PPARA: variants seen among roughly 807,000 people sequenced by gnomAD.
PPARA encodes peroxisome proliferator activated receptor alpha.
Under a neutral mutation model 42.2 loss-of-function variants are expected in PPARA, and 22 were observed. The ratio of observed to expected loss-of-function variants is 0.52; its 90% CI spans 0.37 to 0.74. The LOEUF (loss-of-function observed/expected upper bound fraction) is 0.74, where lower values mean the gene tolerates loss of function less well. Ranked by LOEUF, PPARA falls within the 30% of genes least tolerant of loss-of-function variation. The pLI is 0.00. For missense variants in PPARA, 465 were observed against 608.2 expected (o/e 0.76, Z 2.48); for synonymous variants, 242 against 239.3 (o/e 1.01, Z -0.10).
chr22:46,240,381 T>G lies in PPARA; in HGVS notation c.*5001T>G, dbSNP rs1936340405. 1 of 396,658 alleles carries G rather than the reference T, an allele frequency of 2.5e-6. No individual in the cohort carries two copies. The highest frequency in any genetic ancestry group is 4.4e-6 in the Non-Finnish European group (1 of 225,288). The allele number at this position is 396,658 out of a possible 1,614,324, so 24.6% of individuals were successfully genotyped here. On this transcript the variant is annotated 3_prime_UTR_variant, in exon 9 of 9. Transcript: ENST00000407236. This position sits in a 1 kb window ranked among gnomAD's most constrained non-coding sequence, Gnocchi z 6.0. ...CACCTCCTGCAGCCTCCCTGTTGTT[T>G]CTAGACTCTTGCACCTGGTGAGTGC...
chr22:46,175,809 G>A (rs1039949787), intron 2 of PPARA, among the ~76,000 whole-genome samples: 1 of 151,938 alleles, frequency 6.6e-6, no homozygotes, highest in African/African-American at 2.4e-5. Flanking sequence ...CAGCTTGTTG[G>A]TGCATCAACA....
intron 4 of PPARA, among the ~76,000 whole-genome samples, chr22:46,202,031 A>G (rs1932862782): frequency 6.6e-6 from 1 of 152,086 alleles, no homozygotes; most frequent in South Asian, 2.1e-4. Flanking sequence ...TCTTTGGGTA[A>G]GATATACTCT....
Position 46,187,923 on chromosome 22 carries a change from C to G in PPARA, c.-42-10419C>G, listed in dbSNP as rs1307174615. Among the ~76,000 whole-genome samples the G allele has an allele frequency of 1.3e-5, 2 of 152,210 alleles. No individual in the cohort carries two copies. Among genetic ancestry groups the G allele is most frequent in the Non-Finnish European group, 2.9e-5 (2 of 68,036 alleles). On this transcript the variant is annotated intron_variant, in intron 3 of 8. Transcript: ENST00000407236. The surrounding 1 kb of genome is among the most constrained non-coding windows in gnomAD (Gnocchi z 4.9). ...ACACTGCCTAACTTACAAATGAGGTCTACCTTAAGAGGCTTTGCAGATTCC... is the reference window on the plus strand; with the variant it reads ...ACACTGCCTAACTTACAAATGAGGTGTACCTTAAGAGGCTTTGCAGATTCC...
intron 2 of PPARA, chr22:46,155,047 T>A (rs946438357): frequency 6.8e-6 from 1 of 147,698 alleles, no homozygotes; most frequent in African/African-American, 2.5e-5. Context: ...TTAAAATATG[T>A]ATTTGCTTAT....
rs1298627147 is a variant in PPARA, at chr22:46,221,172, A to G, written c.711+1158A>G. ...CATGGCAGGAGCAAAAACAAGAGAC[A>G]CACACTTTTCACCCATCAGATCTTG... On this transcript the variant is annotated intron_variant, in intron 7 of 8. Transcript: ENST00000407236. The surrounding 1 kb of genome is among the most constrained non-coding windows in gnomAD (Gnocchi z 5.9). Among the ~76,000 whole-genome samples, 2 of 152,124 alleles carry G rather than the reference A, an allele frequency of 1.3e-5. No individual in the cohort carries two copies. The highest frequency in any genetic ancestry group is 4.8e-5 in the African/African-American group (2 of 41,416).
At position 46,211,781 on chromosome 22, in the gene PPARA, G is replaced by A. The variant is rs867408725; in HGVS notation, c.209-3392G>A. ...GCTCACTACAACCTCCGTCTCCTGG[G>A]TTCAAGCCATTCTGCTGCCTCAGCT... On this transcript the variant is annotated intron_variant, in intron 4 of 8. Coordinates refer to ENST00000407236, the MANE Select transcript of PPARA (RefSeq NM_005036.6). The surrounding 1 kb of genome is among the most constrained non-coding windows in gnomAD (Gnocchi z 4.1). Among the ~76,000 whole-genome samples the A allele has an allele frequency of 2.8e-4, 43 of 151,556 alleles. No individual in the cohort carries two copies. The highest frequency in any genetic ancestry group is 6.8e-3 in the Middle Eastern group (2 of 294).
At position 46,160,183 on chromosome 22, in the gene PPARA, T is replaced by C. The variant is rs1296363619; in HGVS notation, c.-127+8213T>C. ...GATCTTTCCAGCAGAAAGCTGTAAG[T>C]GGAAGCTTTCAATTCAGAGCAGTAG... On this transcript the variant is annotated intron_variant, in intron 2 of 8. Transcript: ENST00000407236. This position sits in a 1 kb window ranked among gnomAD's most constrained non-coding sequence, Gnocchi z 4.5. Among the ~76,000 whole-genome samples the C allele has an allele frequency of 1.3e-5, 2 of 152,158 alleles. No homozygotes were observed. The highest frequency in any genetic ancestry group is 2.9e-5 in the Non-Finnish European group (2 of 68,020).
In PPARA at chr22:46,198,590, G is replaced by A. The variant is rs750627573; in HGVS notation, c.207G>A (p.Thr69=). The part of the protein sequence containing the change: ...SCPGSDGSVI[T]DTLSPASSPS... ...CTGGCTCAGATGGCTCGGTCATCAC[G>A]GGTAAGTGTGCCGTTTCCTAGAAAG... is the stretch of plus-strand genomic sequence containing the variant. Residue 69 remains threonine (T), a splice_region_variant and synonymous_variant, in exon 4 of 9, where the codon ACG becomes ACA. Transcript: ENST00000407236. 4.3e-6 allele frequency: 7 copies of A among 1,613,380 alleles called. No individual in the cohort carries two copies. The highest frequency in any genetic ancestry group is 2.2e-5 in the South Asian group (2 of 91,054).
rs1335786917 is a variant in PPARA at position 46,233,560 on chromosome 22, A to T, written c.1159+1321A>T. On this transcript the variant is annotated intron_variant, in intron 8 of 8. Transcript: ENST00000407236. The surrounding 1 kb of genome is among the most constrained non-coding windows in gnomAD (Gnocchi z 7.3). ...TGTGTGGCTGGGCACAAGTCAGATG[A>T]AGGAAGTCCTTGCGCTCTGGCATAA... Among the ~76,000 whole-genome samples, 1 of 152,222 alleles carries T rather than the reference A, an allele frequency of 6.6e-6. No individual in the cohort carries two copies. The highest frequency in any genetic ancestry group is 1.9e-4 in the East Asian group (1 of 5,198).
In PPARA at chr22:46,220,020, T is replaced by C; in HGVS notation, c.711+6T>C. On this transcript the variant is annotated splice_donor_region_variant and intron_variant, in intron 7 of 8. Transcript: ENST00000407236. ...GAAAGGCCAGTAACAATCCAGTAGG[T>C]GTTTGCGGCTGTTCTGGGTTCTCTT... The C allele has an allele frequency of 6.2e-7, 1 of 1,613,684 alleles. No individual in the cohort carries two copies. Among genetic ancestry groups the C allele is most frequent in the Non-Finnish European group, 8.5e-7 (1 of 1,179,992 alleles).
chr22:46,239,033 A>G lies in PPARA; in HGVS notation c.*3653A>G, dbSNP rs2147739006. The stretch of plus-strand genomic sequence containing the variant: ...TAACGGGTGTGTTTGCTATACGAAC[A>G]TAATGGACGTGAAGTGGGGCAGAAA... On this transcript the variant is annotated 3_prime_UTR_variant, in exon 9 of 9. Transcript: ENST00000407236. The G allele has an allele frequency of 6.6e-6, 1 of 152,370 alleles. No individual in the cohort carries two copies. The highest frequency in any genetic ancestry group is 1.9e-4 in the East Asian group (1 of 5,178). 9.4% of individuals were successfully genotyped at this position (152,370 alleles called of 1,614,324 possible). A position where few individuals can be genotyped will look rare whatever the true frequency, so the allele number is the denominator to read the frequency against.
At position 46,161,257 on chromosome 22, in the gene PPARA, AT is replaced by A. The variant is rs1488314044; in HGVS notation, c.-127+9290del. On this transcript the variant is annotated intron_variant, in intron 2 of 8. Transcript: ENST00000407236. The surrounding 1 kb of genome is among the most constrained non-coding windows in gnomAD (Gnocchi z 4.8). ...TAGATTAAATCATTTTCTAGAAGGA[AT>A]TTCAGAAGGATGTGTGCCCAATTAT... 6.6e-6 allele frequency among the ~76,000 whole-genome samples: 1 copy of A among 152,216 alleles called. No individual in the cohort carries two copies. The highest frequency in any genetic ancestry group is 1.5e-5 in the Non-Finnish European group (1 of 68,034).
At chr22:46,170,996 A>G (rs1405904946) in intron 2 of PPARA, among the ~76,000 whole-genome samples, 1 of 149,420 alleles carries the variant, frequency 6.7e-6, no homozygotes, top group African/African-American at 2.4e-5. Context: ...CCCTCTCTCT[A>G]CTAAAAATAC....
At chr22:46,228,676 T>C (rs1055047449) in intron 7 of PPARA, among the ~76,000 whole-genome samples, 3 of 152,228 alleles carry the variant, frequency 2.0e-5, no homozygotes, top group Admixed American at 2.0e-4. Flanking sequence ...TCAAACACTG[T>C]AGGAACCCCT....
At chr22:46,207,684 T>TA (rs1569228356) in intron 4 of PPARA, among the ~76,000 whole-genome samples, 278 of 116,216 alleles carry the variant, frequency 2.4e-3, no homozygotes, top group African/African-American at 0.011. Flanking sequence ...ATTATTTTTT[T>TA]TTTTTTTTTT....
intron 2 of PPARA, among the ~76,000 whole-genome samples, chr22:46,159,096 G>T (rs1925759514): frequency 6.6e-6 from 1 of 152,066 alleles, no homozygotes; most frequent in African/African-American, 2.4e-5. Context: ...TCACCATGTT[G>T]GCCAGGCTGG....
At chr22:46,215,459 C>A in intron 5 of PPARA, 126 bp downstream of exon 5, 1 of 1,266,212 alleles carries the variant, frequency 7.9e-7, no homozygotes, top group Non-Finnish European at 1.1e-6. Flanking sequence ...GACTTCAGGC[C>A]AGGCGCGGTA....
intron 2 of PPARA, among the ~76,000 whole-genome samples, chr22:46,157,923 A>C (rs1045602562): frequency 4.6e-5 from 7 of 151,936 alleles, no homozygotes; most frequent in Non-Finnish European, 1.0e-4. Flanking sequence ...CTTGCTTTAT[A>C]TTTTAACTTA....
At position 46,222,684 on chromosome 22, in the gene PPARA, A is replaced by G. The variant is rs1017481751; in HGVS notation, c.711+2670A>G. Reference sequence around the variant, plus strand: ...AGTACAGCCCAAAATTGGGATGGCTAAAACTTTTGTTTGCCAGCTTATATT... The same window carrying G: ...AGTACAGCCCAAAATTGGGATGGCTGAAACTTTTGTTTGCCAGCTTATATT... On this transcript the variant is annotated intron_variant, in intron 7 of 8. Transcript: ENST00000407236. The surrounding 1 kb of genome is among the most constrained non-coding windows in gnomAD (Gnocchi z 5.9). Among the ~76,000 whole-genome samples the G allele has an allele frequency of 3.3e-5, 5 of 152,208 alleles. No individual in the cohort carries two copies. Among genetic ancestry groups the G allele is most frequent in the Non-Finnish European group, 7.3e-5 (5 of 68,042 alleles).
Sources: allele counts gnomAD v4.1 joint callset (sites outside exome capture counted in the v4.1 genomes callset), GRCh38; gene constraint gnomAD v4.1.1; non-coding constraint Gnocchi (gnomAD v3.1); transcripts MANE v1.5; gene names NCBI Gene and HGNC (gene_info 2026-07-23, HGNC 2026-07-21).